Variants in REEP5 observed in about 807,000 individuals in gnomAD.
The protein encoded by REEP5 is receptor accessory protein 5, also known as receptor expression-enhancing protein 5.
In REEP5, 24 loss-of-function variants were observed where a neutral mutation model predicts 22.4. The ratio of observed to expected loss-of-function variants is 1.07; its 90% CI spans 0.78 to 1.51. The LOEUF is 1.51. Ranked by LOEUF, REEP5 falls within the 40% of genes most tolerant of loss-of-function variation. The probability of loss-of-function intolerance (pLI) is 0.00; values close to 1 mark genes in which losing one functional copy is unlikely to be tolerated. For missense variants in REEP5, 252 were observed against 233.0 expected (o/e 1.08, Z -0.53); for synonymous variants, 103 against 88.6 (o/e 1.16, Z -0.92).
chr5:112,892,540 C>G (rs749893338), intron 3 of REEP5: 2 of 1,614,170 alleles, frequency 1.2e-6, no homozygotes, highest in Non-Finnish European at 1.7e-6. Flanking sequence ...TGCAGGACGA[C>G]AGCTGCAATG....
rs1001837636 is a variant in REEP5 at position 112,877,289 on chromosome 5, A to T, written c.*1497T>A. On this transcript the variant is annotated 3_prime_UTR_variant, in exon 5 of 5. Coordinates refer to ENST00000379638, the MANE Select transcript of REEP5 (RefSeq NM_005669.5). ...CTTACCTGATTGTTATCTCAAGGTG[A>T]GCTAATCATCTTTATTTGCCTTAAA... The T allele has an allele frequency of 6.6e-6, 1 of 152,156 alleles. No homozygotes were observed. Among genetic ancestry groups the T allele is most frequent in the East Asian group, 1.9e-4 (1 of 5,202 alleles). The allele number at this position is 152,156 out of a possible 1,614,324, so 9.4% of individuals were successfully genotyped here.
chr5:112,921,344 G>A lies in REEP5; in HGVS notation c.119-88C>T, dbSNP rs1292184458. ...CCGCCCACACCGCGAGGCTGGGCCT[G>A]TTGTAGGAGTTTTCCTCTCGACTCG... On this transcript the variant is annotated intron_variant, in intron 1 of 4. Transcript: ENST00000379638. The A allele has an allele frequency of 4.0e-6, 5 of 1,242,762 alleles. No homozygotes were observed. In the African/African-American group the frequency reaches 5.9e-5, roughly 15 times the overall value. 77.0% of individuals were successfully genotyped at this position (1,242,762 alleles called of 1,614,324 possible). A position where few individuals can be genotyped will look rare whatever the true frequency, so the allele number is the denominator to read the frequency against.
At chr5:112,918,271 A>G (rs1474682579) in intron 2 of REEP5, among the ~76,000 whole-genome samples, 4 of 152,192 alleles carry the variant, frequency 2.6e-5, no homozygotes, top group South Asian at 2.1e-4. Flanking sequence ...GGGGTATACA[A>G]TAAGGTACTG....
At chr5:112,908,586 C>T (rs969588960) in intron 2 of REEP5, among the ~76,000 whole-genome samples, 4 of 151,922 alleles carry the variant, frequency 2.6e-5, no homozygotes, top group Non-Finnish European at 2.9e-5. Flanking sequence ...AGTGCAGTGG[C>T]GCGATCTCGG....
intron 3 of REEP5, chr5:112,896,054 G>C (rs940729861): frequency 2.0e-5 from 3 of 152,618 alleles, no homozygotes; most frequent in African/African-American, 7.2e-5. Flanking sequence ...TCCCAGGTAG[G>C]GGTATGCTTA....
rs771790234 is a variant in REEP5, at chr5:112,922,191, G to T, written c.-1C>A. 35 of 1,603,330 alleles carry T rather than the reference G, an allele frequency of 2.2e-5. No homozygotes were observed. Among genetic ancestry groups the T allele is most frequent in the Middle Eastern group, 1.7e-4 (1 of 6,058 alleles). Reference sequence around the variant, plus strand: ...ACCTCTCCCTCATGGCCGCAGACATGGCGGGGACCGTCTCGCCGCTCGGGG... The same window carrying T: ...ACCTCTCCCTCATGGCCGCAGACATTGCGGGGACCGTCTCGCCGCTCGGGG... On this transcript the variant is annotated 5_prime_UTR_variant, in exon 1 of 5. Coordinates refer to ENST00000379638, the MANE Select transcript of REEP5 (RefSeq NM_005669.5).
At chr5:112,898,554 G>C (rs1245184895) in intron 3 of REEP5, among the ~76,000 whole-genome samples, 1 of 152,152 alleles carries the variant, frequency 6.6e-6, no homozygotes, top group Admixed American at 6.5e-5. Context: ...AGGTGATTAG[G>C]AGTAGGCTAG....
intron 3 of REEP5, among the ~76,000 whole-genome samples, chr5:112,901,887 TG>T (rs1436547844): frequency 6.8e-6 from 1 of 147,588 alleles, no homozygotes; most frequent in Non-Finnish European, 1.5e-5. Flanking sequence ...TGCTTGAACC[TG>T]GGGGGTGGAG....
chr5:112,901,829 G>C (rs1768854536), intron 3 of REEP5, among the ~76,000 whole-genome samples: 3 of 152,040 alleles, frequency 2.0e-5, no homozygotes, highest in Admixed American at 1.3e-4. Flanking sequence ...CAAGCATGGT[G>C]GTGGGCGCCT....
At chr5:112,921,916 G>C (rs1344534938) in intron 1 of REEP5, 157 bp downstream of exon 1, 1 of 948,718 alleles carries the variant, frequency 1.1e-6, no homozygotes, top group Admixed American at 3.8e-5. Flanking sequence ...CGATGCCCAC[G>C]CTTTCCGGGA....
intron 2 of REEP5, among the ~76,000 whole-genome samples, chr5:112,918,235 C>A (rs969440113): frequency 3.3e-5 from 5 of 152,118 alleles, no homozygotes; most frequent in East Asian, 1.9e-4. Flanking sequence ...AAATTATGCA[C>A]ACGGAAAGAA....
intron 4 of REEP5, among the ~76,000 whole-genome samples, chr5:112,879,631 G>A (rs528024991): frequency 6.6e-6 from 1 of 151,990 alleles, no homozygotes; most frequent in East Asian, 2.0e-4. Flanking sequence ...TCACCACCAC[G>A]CCCAGCTAAT....
chr5:112,883,906 T>TAA (rs1338975787), intron 4 of REEP5, among the ~76,000 whole-genome samples: 1 of 152,132 alleles, frequency 6.6e-6, no homozygotes, highest in African/African-American at 2.4e-5. Flanking sequence ...CTCTGACCCA[T>TAA]GCCCAATCCA....
intron 3 of REEP5, among the ~76,000 whole-genome samples, chr5:112,900,483 A>G (rs888785635): frequency 6.6e-6 from 1 of 152,186 alleles, no homozygotes. Flanking sequence ...ATCACTCAGG[A>G]AAACAGGTGG....
chr5:112,919,117 TACAAGAGG>T, intron 2 of REEP5, among the ~76,000 whole-genome samples: 1 of 152,340 alleles, frequency 6.6e-6, no homozygotes, highest in African/African-American at 2.4e-5. Flanking sequence ...GCATAAGAGT[TACAAGAGG>T]TATGGAGAAT....
At chr5:112,907,789 C>T (rs1012911506) in intron 2 of REEP5, among the ~76,000 whole-genome samples, 3 of 152,012 alleles carry the variant, frequency 2.0e-5, no homozygotes, top group Admixed American at 6.6e-5. Flanking sequence ...TTGGCACATC[C>T]GTACAATGAA....
At chr5:112,892,311 T>C (rs1315121097) in intron 3 of REEP5, 3 of 1,614,120 alleles carry the variant, frequency 1.9e-6, no homozygotes, top group Non-Finnish European at 2.5e-6. Flanking sequence ...GGGATGACTA[T>C]GACCCTGACG....
chr5:112,915,880 T>TA (rs375548847), intron 2 of REEP5, among the ~76,000 whole-genome samples: 51,422 of 133,602 alleles, frequency 0.38, 9,797 homozygotes, highest in African/African-American at 0.47. Flanking sequence ...AATTACAATT[T>TA]AAAAAAAAAA....
chr5:112,911,583 T>C (rs1174984527), intron 2 of REEP5, among the ~76,000 whole-genome samples: 1 of 152,244 alleles, frequency 6.6e-6, no homozygotes, highest in East Asian at 1.9e-4. Context: ...TTAATTCAGA[T>C]CTATTTTGTT....
Sources: gnomAD v4.1 joint callset for allele counts (sites outside exome capture counted in the v4.1 genomes callset) on GRCh38, gnomAD v4.1.1 for gene constraint, MANE v1.5 for transcripts, NCBI Gene and HGNC (gene_info 2026-07-23, HGNC 2026-07-21) for gene names.